CHRM2: variants seen among roughly 807,000 people sequenced by gnomAD.
The protein encoded by CHRM2 is cholinergic receptor muscarinic 2, also known as muscarinic acetylcholine receptor M2.
Under a neutral mutation model 25.0 loss-of-function variants are expected in CHRM2, and 8 were observed. The observed-to-expected ratio is 0.32, with a 90% CI of 0.19 to 0.58. The LOEUF (loss-of-function observed/expected upper bound fraction) is 0.58, where lower values mean the gene tolerates loss of function less well. CHRM2 is among the 20% of genes least tolerant of loss of function. The pLI, the probability that CHRM2 is intolerant of heterozygous loss-of-function variation, is 0.88. For missense variants in CHRM2, 440 were observed against 567.1 expected (o/e 0.78, Z 2.28); for synonymous variants, 202 against 205.7 (o/e 0.98, Z 0.15).
intron 2 of CHRM2, among the ~76,000 whole-genome samples, chr7:136,883,393 G>T (rs1001182297): frequency 1.3e-5 from 2 of 152,110 alleles, no homozygotes; most frequent in Non-Finnish European, 2.9e-5. Flanking sequence ...TGAATTTAAA[G>T]ATTTAGTGGG....
At chr7:136,936,843 G>C (rs917857009) in intron 2 of CHRM2, among the ~76,000 whole-genome samples, 2 of 151,926 alleles carry the variant, frequency 1.3e-5, no homozygotes, top group African/African-American at 4.8e-5. Flanking sequence ...GTTTCTACTT[G>C]CTTTCTTCAC....
chr7:136,927,961 T>C (rs62485240), intron 2 of CHRM2, among the ~76,000 whole-genome samples: 36,358 of 152,122 alleles, frequency 0.24, 5,722 homozygotes, highest in Non-Finnish European at 0.35. Flanking sequence ...GTGTAATAAA[T>C]AAATTCTATT....
At chr7:136,895,221 A>G (rs1391313850) in intron 2 of CHRM2, among the ~76,000 whole-genome samples, 1 of 152,198 alleles carries the variant, frequency 6.6e-6, no homozygotes, top group Non-Finnish European at 1.5e-5. Flanking sequence ...GCTTCAGATA[A>G]GTCTCATTTC....
At chr7:136,897,104 T>C (rs1234754392) in intron 2 of CHRM2, among the ~76,000 whole-genome samples, 1 of 146,656 alleles carries the variant, frequency 6.8e-6, no homozygotes, top group Non-Finnish European at 1.5e-5. Context: ...GTTGAATATG[T>C]GTGGTGGTGG....
chr7:136,949,498 T>C (rs1008170751), intron 2 of CHRM2, among the ~76,000 whole-genome samples: 3 of 146,328 alleles, frequency 2.1e-5, no homozygotes, highest in Non-Finnish European at 4.5e-5. Flanking sequence ...CATGGTGGTG[T>C]GCACTTGCAG....
chr7:136,870,825 C>A (rs910294101), intron 2 of CHRM2: 1 of 152,284 alleles, frequency 6.6e-6, no homozygotes, highest in East Asian at 1.9e-4. Context: ...CCAGCCCAGG[C>A]GCCGCGAGCC....
At chr7:136,982,839 G>A (rs1423852641) in intron 2 of CHRM2, among the ~76,000 whole-genome samples, 3 of 152,192 alleles carry the variant, frequency 2.0e-5, no homozygotes, top group Non-Finnish European at 4.4e-5. Context: ...TTCCTTTTGT[G>A]AGTAATGTGA....
At chr7:136,888,588 C>T (rs952472527) in intron 2 of CHRM2, among the ~76,000 whole-genome samples, 9 of 152,114 alleles carry the variant, frequency 5.9e-5, no homozygotes, top group African/African-American at 1.9e-4. Context: ...GAGGGATTGG[C>T]ATTTTCAGCT....
chr7:136,980,301 T>C (rs1802399382), intron 2 of CHRM2, among the ~76,000 whole-genome samples: 1 of 152,226 alleles, frequency 6.6e-6, no homozygotes, highest in Non-Finnish European at 1.5e-5. Context: ...TTTTGTATCC[T>C]GAGACTTTGC....
intron 2 of CHRM2, chr7:136,938,488 T>G: frequency 9.3e-7 from 1 of 1,076,882 alleles, no homozygotes. Flanking sequence ...GATGTTGGGG[T>G]TCACCTCTAG....
In CHRM2 at chr7:137,015,330, G is replaced by C; in HGVS notation, c.465G>C (p.Trp155Cys). ...AAAWVLSFIL[W>C]APAILFWQFI... The stretch of plus-strand genomic sequence containing the variant: ...CCTGGGTCCTCTCTTTCATCCTCTG[G>C]GCTCCAGCCATTCTCTTCTGGCAGT... The change falls in exon 4 of 4, where the codon TGG (tryptophan) becomes TGC (cysteine). Residue 155 changes from tryptophan to cysteine, a missense_variant. Around this residue, in one of 5 missense-constraint regions of CHRM2, gnomAD observed 27 missense variants for 55.5 expected, o/e 0.49. Coordinates refer to ENST00000680005, the MANE Select transcript of CHRM2 (RefSeq NM_001006630.2). The surrounding 1 kb of genome is among the most constrained non-coding windows in gnomAD (Gnocchi z 5.1). 6.2e-7 allele frequency: 1 copy of C among 1,613,278 alleles called. No individual in the cohort carries two copies. The highest frequency in any genetic ancestry group is 8.5e-7 in the Non-Finnish European group (1 of 1,179,626).
At chr7:136,961,728 T>C (rs1034259602) in intron 2 of CHRM2, among the ~76,000 whole-genome samples, 2 of 151,906 alleles carry the variant, frequency 1.3e-5, no homozygotes, top group African/African-American at 4.8e-5. Flanking sequence ...TAGATAAACT[T>C]TATTAGAGAA....
At chr7:136,918,614 GAC>G (rs2130722095) in intron 2 of CHRM2, among the ~76,000 whole-genome samples, 1 of 152,012 alleles carries the variant, frequency 6.6e-6, no homozygotes, top group African/African-American at 2.4e-5. Flanking sequence ...TTTTATTAGA[GAC>G]AGTGTCCCTA....
At chr7:136,910,813 G>GTT (rs1447932038) in intron 2 of CHRM2, among the ~76,000 whole-genome samples, 7 of 146,236 alleles carry the variant, frequency 4.8e-5, no homozygotes, top group Non-Finnish European at 1.0e-4. Context: ...GTGTGTGTGT[G>GTT]TGTGTGTGTG....
chr7:136,962,114 T>C (rs1801124683), intron 2 of CHRM2, among the ~76,000 whole-genome samples: 2 of 149,726 alleles, frequency 1.3e-5, no homozygotes, highest in East Asian at 2.0e-4. Flanking sequence ...GTAATGACTG[T>C]CAACTGAATA....
rs1483331830 is a variant in CHRM2, at chr7:136,919,852, A to G, written c.-125+50434A>G. 3.3e-5 allele frequency among the ~76,000 whole-genome samples: 5 copies of G among 152,054 alleles called. No homozygotes were observed. In the East Asian group the frequency reaches 5.8e-4, roughly 18 times the overall value. ...TTATTATTTTGGCCCTTTCAGCTCT[A>G]TTGGGTTCTTATGTATACTTCAGTC... On this transcript the variant is annotated intron_variant, in intron 2 of 3. Coordinates refer to ENST00000680005, the MANE Select transcript of CHRM2 (RefSeq NM_001006630.2).
intron 2 of CHRM2, among the ~76,000 whole-genome samples, chr7:136,950,783 C>CTGTTGTTGTTGTTGT (rs200954535): frequency 1.3e-5 from 2 of 149,678 alleles, no homozygotes; most frequent in South Asian, 2.2e-4. Context: ...AACCCCCAAC[C>CTGTTGTTGTTGTTGT]TGTTGTTGTT....
At chr7:136,968,177 A>C (rs1465663464) in intron 2 of CHRM2, among the ~76,000 whole-genome samples, 2 of 151,992 alleles carry the variant, frequency 1.3e-5, no homozygotes, top group Admixed American at 1.3e-4. Flanking sequence ...ACAGATCTAC[A>C]AAACTATTCC....
intron 3 of CHRM2, among the ~76,000 whole-genome samples, chr7:136,995,306 A>G (rs1319321265): frequency 6.6e-6 from 1 of 152,170 alleles, no homozygotes; most frequent in Non-Finnish European, 1.5e-5. Flanking sequence ...ATATACATAC[A>G]CAAACACAGG....
Sources: gnomAD v4.1 joint callset for allele counts (sites outside exome capture counted in the v4.1 genomes callset) on GRCh38, gnomAD v4.1.1 for gene constraint, gnomAD v4.1.1 regional missense constraint, Gnocchi (gnomAD v3.1) non-coding constraint, MANE v1.5 for transcripts, NCBI Gene and HGNC (gene_info 2026-07-23, HGNC 2026-07-21) for gene names.